Variants in CCSER1 observed in about 807,000 individuals in gnomAD.
The protein encoded by CCSER1 is coiled-coil serine rich protein 1.
A neutral mutation model predicts 82.0 loss-of-function variants in CCSER1; 41 were observed. The observed-to-expected ratio is 0.50, with a 90% confidence interval of 0.39 to 0.65. The LOEUF (loss-of-function observed/expected upper bound fraction) is 0.65. Among genes scored for constraint, CCSER1 ranks in the 30% least tolerant of loss-of-function variants. The probability of loss-of-function intolerance (pLI) is 0.00; values close to 1 mark genes in which losing one functional copy is unlikely to be tolerated. For synonymous variants in CCSER1, 414 were observed against 383.9 expected, an observed-to-expected ratio of 1.08 and a Z score of -0.92; for missense variants, 1,119 against 1,064.2, an observed-to-expected ratio of 1.05 and a Z score of -0.72.
chr4:90,622,822 G>C (rs1220095647), intron 5 of CCSER1, among the ~76,000 whole-genome samples: 2 of 151,998 alleles, frequency 1.3e-5, no homozygotes, highest in Non-Finnish European at 2.9e-5. Flanking sequence ...TCTAGTTCTA[G>C]ATCCTTGAGG....
intron 6 of CCSER1, among the ~76,000 whole-genome samples, chr4:90,692,033 G>GTATA (rs1458125698): frequency 4.5e-5 from 5 of 112,278 alleles, no homozygotes; most frequent in East Asian, 2.7e-4. Context: ...AATTCAATGT[G>GTATA]TGTATATATA....
intron 10 of CCSER1, among the ~76,000 whole-genome samples, chr4:91,565,730 G>A (rs1396355492): frequency 5.3e-5 from 8 of 152,022 alleles, no homozygotes; most frequent in South Asian, 4.1e-4. Flanking sequence ...AAATGCTAGT[G>A]AGGCTGTACA....
intron 10 of CCSER1, among the ~76,000 whole-genome samples, chr4:91,298,653 A>G (rs1391768303): frequency 6.6e-6 from 1 of 152,008 alleles, no homozygotes; most frequent in East Asian, 1.9e-4. Context: ...TAAAAATATC[A>G]TAGGAAAAAA....
At chr4:90,531,337 T>C (rs1012994110) in intron 5 of CCSER1, among the ~76,000 whole-genome samples, 2 of 151,938 alleles carry the variant, frequency 1.3e-5, no homozygotes, top group African/African-American at 4.8e-5. Context: ...TTTACTTCCC[T>C]GGAGATTTCT....
At chr4:91,139,148 C>A (rs1056176071) in intron 10 of CCSER1, among the ~76,000 whole-genome samples, 2 of 152,124 alleles carry the variant, frequency 1.3e-5, no homozygotes, top group African/African-American at 2.4e-5. Flanking sequence ...GTTTTCTGCT[C>A]TTGGGTTAAT....
chr4:90,484,693 G>A (rs1031191627), intron 5 of CCSER1, among the ~76,000 whole-genome samples: 7 of 152,132 alleles, frequency 4.6e-5, no homozygotes, highest in Admixed American at 1.3e-4. Context: ...AGTGGATATT[G>A]GTGAACCGCA....
Position 91,309,406 on chromosome 4 carries a change from A to G in CCSER1, c.2217+223412A>G, listed in dbSNP as rs184239894. Among the ~76,000 whole-genome samples the G allele has an allele frequency of 4.6e-5, 7 of 152,164 alleles. No homozygotes were observed. In the East Asian group the frequency reaches 1.2e-3, roughly 25 times the overall value. On this transcript the variant is annotated intron_variant, in intron 10 of 10. Coordinates refer to ENST00000509176, the MANE Select transcript of CCSER1 (RefSeq NM_001145065.2). ...CGCACGTGCTCACATGAATGAGCTC[A>G]AGTGGGTTCCTAGACAGATTTCATT...
intron 4 of CCSER1, among the ~76,000 whole-genome samples, chr4:90,460,280 G>A (rs1487546651): frequency 7.7e-6 from 1 of 129,234 alleles, no homozygotes; most frequent in Middle Eastern, 3.9e-3. Flanking sequence ...AGTCGAGATC[G>A]CGCCACTGCA....
At chr4:90,178,897 T>TATTAATCTTTGGAAGTGGCTAAATAAAC (rs1733196978) in intron 1 of CCSER1, among the ~76,000 whole-genome samples, 1 of 152,176 alleles carries the variant, frequency 6.6e-6, no homozygotes, top group Non-Finnish European at 1.5e-5. Flanking sequence ...GATGAATAAA[T>TATTAATCTTTGGAAGTGGCTAAATAAAC]ATTAATCTTT....
chr4:90,878,754 A>C (rs1238645542), intron 8 of CCSER1, among the ~76,000 whole-genome samples: 1 of 152,196 alleles, frequency 6.6e-6, no homozygotes, highest in Non-Finnish European at 1.5e-5. Flanking sequence ...AATCTCAACT[A>C]TGCCACTGAC....
rs944497415 is a variant in CCSER1, at chr4:90,593,648, G to A, written c.1725-34377G>A. Among the ~76,000 whole-genome samples, 8 of 149,582 alleles carry A rather than the reference G, an allele frequency of 5.3e-5. No homozygotes were observed. The East Asian group carries it at 1.6e-3, about 30-fold the overall frequency. On this transcript the variant is annotated intron_variant, in intron 5 of 10. Transcript: ENST00000509176. The stretch of plus-strand genomic sequence containing the variant: ...CTCGATAGAGGCTCTTTAAATTCAC[G>A]AAAATCATTAGCCCTTTTGCACTGT...
chr4:91,094,467 G>A (rs926660219), intron 10 of CCSER1, among the ~76,000 whole-genome samples: 1 of 152,138 alleles, frequency 6.6e-6, no homozygotes, highest in Non-Finnish European at 1.5e-5. Flanking sequence ...ACTGTAGTTT[G>A]GTTAACCAAG....
At chr4:91,061,686 G>A (rs567105678) in intron 9 of CCSER1, among the ~76,000 whole-genome samples, 9 of 151,976 alleles carry the variant, frequency 5.9e-5, no homozygotes, top group Non-Finnish European at 1.2e-4. Flanking sequence ...CTGATTGATA[G>A]GTTCTCCTAC....
chr4:90,492,398 T>A (rs1241632440), intron 5 of CCSER1, among the ~76,000 whole-genome samples: 1 of 152,174 alleles, frequency 6.6e-6, no homozygotes, highest in Non-Finnish European at 1.5e-5. Context: ...TCCATTTGAT[T>A]CTTCTCTCTT....
At chr4:91,384,648 T>C (rs1672955397) in intron 10 of CCSER1, among the ~76,000 whole-genome samples, 1 of 152,064 alleles carries the variant, frequency 6.6e-6, no homozygotes, top group Admixed American at 6.6e-5. Context: ...TTATATAATA[T>C]GACTATATAG....
intron 1 of CCSER1, among the ~76,000 whole-genome samples, chr4:90,173,977 T>C (rs796939947): frequency 1.3e-5 from 2 of 152,130 alleles, no homozygotes; most frequent in African/African-American, 4.8e-5. Context: ...TCTCAGCCTA[T>C]TTTGTAGGAT....
intron 6 of CCSER1, among the ~76,000 whole-genome samples, chr4:90,689,116 G>A (rs1735340328): frequency 6.6e-6 from 1 of 152,102 alleles, no homozygotes; most frequent in Non-Finnish European, 1.5e-5. Context: ...TCAGAGTATT[G>A]TGATATTTTA....
intron 9 of CCSER1, among the ~76,000 whole-genome samples, chr4:90,983,809 G>C (rs1289785617): frequency 6.6e-6 from 1 of 151,572 alleles, no homozygotes; most frequent in Admixed American, 6.6e-5. Context: ...TCATCTTTCT[G>C]TGCACTATTC....
At chr4:90,545,498 C>A (rs924983059) in intron 5 of CCSER1, among the ~76,000 whole-genome samples, 1 of 152,112 alleles carries the variant, frequency 6.6e-6, no homozygotes, top group African/African-American at 2.4e-5. Context: ...ACAGTCTCCT[C>A]TCTGCCTCGA....
Sources: gnomAD v4.1 joint callset for allele counts (sites outside exome capture counted in the v4.1 genomes callset) on GRCh38, gnomAD v4.1.1 for gene constraint, MANE v1.5 for transcripts, NCBI Gene and HGNC (gene_info 2026-07-23, HGNC 2026-07-21) for gene names.